The following STK3 variants were observed in gnomAD, a reference collection of about 807,000 sequenced individuals.
The protein encoded by STK3 is serine/threonine-protein kinase 3.
A neutral mutation model predicts 58.0 loss-of-function variants in STK3; 41 were observed. That is an observed-to-expected ratio of 0.71 (90% confidence interval 0.55 to 0.92). The LOEUF (loss-of-function observed/expected upper bound fraction) is 0.92, where lower values mean the gene tolerates loss of function less well. STK3 is among the 40% of genes least tolerant of loss of function. STK3 has a pLI of 0.00. For synonymous variants in STK3, 170 were observed against 191.0 expected, an observed-to-expected ratio of 0.89 and a Z score of 0.91; for missense variants, 479 against 602.7, an observed-to-expected ratio of 0.79 and a Z score of 2.15.
At chr8:98,460,547 G>A (rs772568858) in intron 10 of STK3, among the ~76,000 whole-genome samples, 56 of 152,110 alleles carry the variant, frequency 3.7e-4, no homozygotes, top group Non-Finnish European at 3.2e-4. Context: ...GGAGCCAGGG[G>A]CAGAATGATA....
At chr8:98,385,206 C>G (rs999275481) in intron 1 of STK3, among the ~76,000 whole-genome samples, 7 of 151,302 alleles carry the variant, frequency 4.6e-5, no homozygotes, top group Admixed American at 1.3e-4. Flanking sequence ...CACACCTGGG[C>G]TGAGCCCTAG....
chr8:98,788,911 A>C (rs1298853028), intron 1 of STK3, among the ~76,000 whole-genome samples: 5 of 152,242 alleles, frequency 3.3e-5, no homozygotes, highest in Non-Finnish European at 7.3e-5. Flanking sequence ...GAACAAATGG[A>C]CTTAACAGAT....
chr8:98,708,837 A>G (rs544526574), intron 4 of STK3, among the ~76,000 whole-genome samples: 1 of 151,980 alleles, frequency 6.6e-6, no homozygotes, highest in African/African-American at 2.4e-5. Flanking sequence ...CACAAGAGTG[A>G]GAGGGGCTGT....
intron 1 of STK3, among the ~76,000 whole-genome samples, chr8:98,909,381 C>T (rs1017566701): frequency 6.6e-6 from 1 of 152,066 alleles, no homozygotes. Flanking sequence ...AACTCACAAA[C>T]GTAAAGTGTA....
chr8:98,358,715 G>C, the STK3 span, among the ~76,000 whole-genome samples: 1 of 152,106 alleles, frequency 6.6e-6, no homozygotes, highest in African/African-American at 2.4e-5. Flanking sequence ...AATGAGGGGG[G>C]AGTGACAGGC....
downstream of STK3, among the ~76,000 whole-genome samples, chr8:98,366,908 A>T (rs779085299): frequency 2.0e-5 from 3 of 152,220 alleles, no homozygotes; most frequent in Non-Finnish European, 2.9e-5. Context: ...CTACACATGC[A>T]TTATTCATTT....
At chr8:98,881,340 T>G (rs974620223), downstream of STK3, 1 of 152,212 alleles carries the variant, frequency 6.6e-6, no homozygotes, top group African/African-American at 2.4e-5. Context: ...ATGGAGACAG[T>G]AAAAGGTCAG....
At chr8:98,661,702 C>A (rs1214852942) in intron 6 of STK3, among the ~76,000 whole-genome samples, 2 of 151,932 alleles carry the variant, frequency 1.3e-5, no homozygotes, top group Non-Finnish European at 2.9e-5. Flanking sequence ...ATTAGAATCA[C>A]CACATACATA....
Position 98,799,016 on chromosome 8 carries a change from A to G in STK3, c.27-24197T>C, listed in dbSNP as rs1322733914. ...GACAACCAAACCTGCTGGCAGCTTG[A>G]TCTTGGACTTCCCAGTCTTTAGAAC... On this transcript the variant is annotated intron_variant, in intron 1 of 10. Transcript: ENST00000419617. Among the ~76,000 whole-genome samples the G allele has an allele frequency of 5.9e-5, 9 of 152,292 alleles. No individual in the cohort carries two copies. In the South Asian group the frequency reaches 6.2e-4, roughly 11 times the overall value.
rs1212555261 is a variant in STK3 at position 98,598,672 on chromosome 8, C to G, written c.685-2503G>C. On this transcript the variant is annotated intron_variant, in intron 6 of 10. Coordinates refer to ENST00000419617, the MANE Select transcript of STK3 (RefSeq NM_006281.4). ...TTGGCAATCAGTGGCTCACTTTAGACTAACAATTCATTCCCTTGCCACCAA... is the reference window on the plus strand; with the variant it reads ...TTGGCAATCAGTGGCTCACTTTAGAGTAACAATTCATTCCCTTGCCACCAA... 4 of 985,274 alleles carry G rather than the reference C, an allele frequency of 4.1e-6. No homozygotes were observed. In the East Asian group the frequency reaches 4.5e-4, roughly 112 times the overall value. 61.0% of individuals were successfully genotyped at this position (985,274 alleles called of 1,614,324 possible).
intron 10 of STK3, among the ~76,000 whole-genome samples, chr8:98,470,464 C>A (rs1057041498): frequency 1.3e-5 from 2 of 152,148 alleles, no homozygotes; most frequent in African/African-American, 4.8e-5. Flanking sequence ...GTGTTCACTG[C>A]CTCATCTCAC....
intron 8 of STK3, among the ~76,000 whole-genome samples, chr8:98,578,841 G>T (rs1485939804): frequency 1.3e-5 from 2 of 152,082 alleles, no homozygotes; most frequent in Non-Finnish European, 2.9e-5. Flanking sequence ...AAAATAATTA[G>T]CAAGGTATAG....
chr8:98,357,415 T>C, the STK3 span, among the ~76,000 whole-genome samples: 496 of 152,336 alleles, frequency 3.3e-3, 1 homozygote, highest in African/African-American at 0.01. Flanking sequence ...CAGACTCTAA[T>C]GGGAGTCTCA....
intron 4 of STK3, among the ~76,000 whole-genome samples, chr8:98,743,325 C>G (rs1006169936): frequency 1.9e-4 from 29 of 150,708 alleles, no homozygotes; most frequent in African/African-American, 7.0e-4. Flanking sequence ...TACTACCTGA[C>G]TTCAAACTAT....
chr8:98,579,558 A>G (rs1813687955), intron 8 of STK3, 106 bp downstream of exon 8: 1 of 1,335,170 alleles, frequency 7.5e-7, no homozygotes, highest in Admixed American at 2.5e-5. Context: ...GAAAAAACAT[A>G]TCTTACTTGT....
downstream of STK3, among the ~76,000 whole-genome samples, chr8:98,369,850 G>A (rs951161522): frequency 6.6e-6 from 1 of 152,142 alleles, no homozygotes; most frequent in African/African-American, 2.4e-5. Context: ...TTTCTAGGGA[G>A]AGCAGGGCAA....
chr8:98,734,915 T>C (rs751379553), intron 4 of STK3, among the ~76,000 whole-genome samples: 4 of 151,670 alleles, frequency 2.6e-5, no homozygotes, highest in Non-Finnish European at 5.9e-5. Context: ...GTTAAAATTA[T>C]CAAGATACAC....
the STK3 span, among the ~76,000 whole-genome samples, chr8:98,366,058 A>T: frequency 2.6e-5 from 4 of 152,316 alleles, no homozygotes; most frequent in African/African-American, 9.6e-5. Flanking sequence ...AAGTGTTTGC[A>T]ATTTTATTAG....
At chr8:98,469,255 G>T (rs1014715624) in intron 10 of STK3, among the ~76,000 whole-genome samples, 3 of 138,206 alleles carry the variant, frequency 2.2e-5, no homozygotes, top group Non-Finnish European at 4.8e-5. Context: ...TTCTTTGCGG[G>T]GGCGGGGGGG....
Sources: allele counts gnomAD v4.1 joint callset (sites outside exome capture counted in the v4.1 genomes callset), GRCh38; gene constraint gnomAD v4.1.1; transcripts MANE v1.5; gene names NCBI Gene and HGNC (gene_info 2026-07-23, HGNC 2026-07-21).